SLAIN1: variants seen among roughly 807,000 people sequenced by gnomAD.
SLAIN1 encodes SLAIN family member 1, also known as SLAIN motif-containing protein 1.
Under a neutral mutation model 55.4 loss-of-function variants are expected in SLAIN1, and 17 were observed. The ratio of observed to expected loss-of-function variants is 0.31; its 90% confidence interval spans 0.21 to 0.46. The LOEUF (loss-of-function observed/expected upper bound fraction) is 0.46. Ranked by LOEUF, SLAIN1 falls within the 20% of genes least tolerant of loss-of-function variation. SLAIN1 has a pLI of 1.00. For synonymous variants in SLAIN1, 348 were observed against 337.4 expected (o/e 1.03, Z -0.35); for missense variants, 682 against 785.1 (o/e 0.87, Z 1.57).
At chr13:77,738,196 C>CCACACA (rs1184701501) in intron 2 of SLAIN1, among the ~76,000 whole-genome samples, 3 of 147,090 alleles carry the variant, frequency 2.0e-5, no homozygotes, top group Non-Finnish European at 4.5e-5. Flanking sequence ...ACACACACAC[C>CCACACA]CACACACACA....
At chr13:77,705,873 C>T (rs960580890) in intron 1 of SLAIN1, among the ~76,000 whole-genome samples, 3 of 151,962 alleles carry the variant, frequency 2.0e-5, no homozygotes, top group African/African-American at 7.3e-5. Context: ...TTAAATCCAG[C>T]TCTAGGCCAA....
intron 1 of SLAIN1, among the ~76,000 whole-genome samples, chr13:77,708,503 C>T (rs553222233): frequency 9.9e-4 from 151 of 152,278 alleles, no homozygotes; most frequent in Non-Finnish European, 1.7e-3. Flanking sequence ...ACACCTCATA[C>T]GGGAGAGCTC....
intron 1 of SLAIN1, among the ~76,000 whole-genome samples, chr13:77,718,216 T>C (rs1358984704): frequency 6.6e-6 from 1 of 152,144 alleles, no homozygotes; most frequent in African/African-American, 2.4e-5. Context: ...GTTGCATGTT[T>C]TGTATGGTGG....
At chr13:77,702,265 T>C (rs906934053) in intron 1 of SLAIN1, among the ~76,000 whole-genome samples, 1 of 152,080 alleles carries the variant, frequency 6.6e-6, no homozygotes, top group Non-Finnish European at 1.5e-5. Flanking sequence ...CCTGCTATAC[T>C]GATTCCTCAG....
chr13:77,760,087 G>T (rs1262205036), intron 5 of SLAIN1, among the ~76,000 whole-genome samples: 1 of 152,116 alleles, frequency 6.6e-6, no homozygotes, highest in African/African-American at 2.4e-5. Context: ...AGGCATCAAA[G>T]GCTTGGGTAG....
At position 77,753,248 on chromosome 13, in the gene SLAIN1, C is replaced by T; in HGVS notation, c.1304C>T (p.Thr435Ile). Residue 435 changes from threonine (T) to isoleucine (I), a missense_variant, in exon 5 of 7, where the codon ACA (threonine) becomes ATA (isoleucine). Transcript: ENST00000418532. ...SMPNLARMPS[T>I]TAISSNISSP... ...CCTAACCTAGCCCGGATGCCAAGTA[C>T]AACTGCCATTAGTAGCAACATTAGT... 6.2e-7 allele frequency: 1 copy of T among 1,612,906 alleles called. No individual in the cohort carries two copies. The highest frequency in any genetic ancestry group is 8.5e-7 in the Non-Finnish European group (1 of 1,179,522).
Position 77,761,095 on chromosome 13 carries a change from C to A in SLAIN1, c.1682C>A (p.Ala561Glu), listed in dbSNP as rs760209910. 6.2e-7 allele frequency: 1 copy of A among 1,613,992 alleles called. No homozygotes were observed. Among genetic ancestry groups the A allele is most frequent in the Non-Finnish European group, 8.5e-7 (1 of 1,179,990 alleles). ...AGTAACCTGCCTCGAAGCAAAATTG[C>A]ACAACCTGTTAGAAGGTAAGAATGT... The part of the protein sequence containing the change: ...NGSNLPRSKI[A>E]QPVRSFLQPP... Residue 561 changes from alanine to glutamate, a missense_variant, in exon 6 of 7, where the codon GCA (alanine) becomes GAA (glutamate). Ala to Glu is a moderately radical substitution (Grantham distance 107). This residue lies in a region of SLAIN1 where 244 missense variants were observed against 295.2 expected (regional missense o/e 0.83). Transcript: ENST00000418532.
intron 1 of SLAIN1, among the ~76,000 whole-genome samples, chr13:77,708,372 A>G (rs1384226091): frequency 1.3e-5 from 2 of 152,194 alleles, no homozygotes; most frequent in East Asian, 1.9e-4. Flanking sequence ...CCCATTGGAT[A>G]CTGGAGGTAA....
At chr13:77,762,115 C>T (rs567293838) in intron 6 of SLAIN1, among the ~76,000 whole-genome samples, 1 of 152,318 alleles carries the variant, frequency 6.6e-6, no homozygotes, top group African/African-American at 2.4e-5. Context: ...AAAGTAAAGA[C>T]TGACCCATAA....
chr13:77,729,797 A>T (rs145007932), intron 2 of SLAIN1, among the ~76,000 whole-genome samples: 2 of 152,268 alleles, frequency 1.3e-5, no homozygotes, highest in Admixed American at 6.5e-5. Flanking sequence ...AAGCATAATG[A>T]TGCGAATGGC....
rs2090998497 is a variant in SLAIN1, at chr13:77,698,618, A to C, written c.626+79A>C. On this transcript the variant is annotated intron_variant, in intron 1 of 6. Transcript: ENST00000418532. This position sits in a 1 kb window ranked among gnomAD's most constrained non-coding sequence, Gnocchi z 4.1. ...ACCGGGGAGCGGGGGCGGGGGGCGG[A>C]CGGGGGTCCCCTCGCGGCAGCCGGG... 7.6e-7 allele frequency: 1 copy of C among 1,323,962 alleles called. No individual in the cohort carries two copies. Among genetic ancestry groups the C allele is most frequent in the African/African-American group, 1.5e-5 (1 of 65,322 alleles). The allele number at this position is 1,323,962 out of a possible 1,614,324, so 82.0% of individuals were successfully genotyped here.
intron 1 of SLAIN1, chr13:77,699,191 T>C (rs535759979): frequency 8.0e-5 from 58 of 721,162 alleles, no homozygotes; most frequent in Non-Finnish European, 1.2e-4. Flanking sequence ...ATAGTGCCAA[T>C]AAAGAGGACT....
At chr13:77,735,923 C>A (rs1363135836) in intron 2 of SLAIN1, among the ~76,000 whole-genome samples, 1 of 150,614 alleles carries the variant, frequency 6.6e-6, no homozygotes, top group Non-Finnish European at 1.5e-5. Flanking sequence ...TTTTTTTTTT[C>A]CTCTTAATTA....
chr13:77,741,937 G>A (rs1474226594), intron 2 of SLAIN1, among the ~76,000 whole-genome samples: 1 of 151,896 alleles, frequency 6.6e-6, no homozygotes, highest in East Asian at 1.9e-4. Flanking sequence ...GTTTAGCCTT[G>A]TTTATATTTT....
rs2090998230 is a variant in SLAIN1 at position 77,698,605 on chromosome 13, G to A, written c.626+66G>A. On this transcript the variant is annotated intron_variant, in intron 1 of 6. Coordinates refer to ENST00000418532, the MANE Select transcript of SLAIN1 (RefSeq NM_001242868.2). This position sits in a 1 kb window ranked among gnomAD's most constrained non-coding sequence, Gnocchi z 4.1. ...GGGGGCTTCGGGCACCGGGGAGCGG[G>A]GGCGGGGGGCGGACGGGGGTCCCCT... 8 of 1,337,112 alleles carry A rather than the reference G, an allele frequency of 6.0e-6. No individual in the cohort carries two copies. Among genetic ancestry groups the A allele is most frequent in the Non-Finnish European group, 6.7e-6 (7 of 1,048,630 alleles). 82.8% of individuals were successfully genotyped at this position (1,337,112 alleles called of 1,614,324 possible).
intron 2 of SLAIN1, among the ~76,000 whole-genome samples, chr13:77,729,779 C>T (rs1224447430): frequency 6.6e-6 from 1 of 152,084 alleles, no homozygotes; most frequent in African/African-American, 2.4e-5. Flanking sequence ...CTTCCTGTCC[C>T]ATAAAAGAAG....
At chr13:77,699,076 A>G in intron 1 of SLAIN1, 1 of 1,527,818 alleles carries the variant, frequency 6.5e-7, no homozygotes, top group Non-Finnish European at 8.8e-7. Flanking sequence ...TTGCTGTTTG[A>G]ATTTTGCAGT....
intron 5 of SLAIN1, among the ~76,000 whole-genome samples, chr13:77,759,002 T>G (rs1442554859): frequency 6.6e-6 from 1 of 152,208 alleles, no homozygotes. Flanking sequence ...AGAATTGCAT[T>G]GAATCTGTAG....
chr13:77,715,146 A>G (rs964794468), intron 1 of SLAIN1, among the ~76,000 whole-genome samples: 1 of 152,126 alleles, frequency 6.6e-6, no homozygotes, highest in Non-Finnish European at 1.5e-5. Flanking sequence ...GATTACAGGC[A>G]GTTTGCATTT....
Sources: allele counts gnomAD v4.1 joint callset (sites outside exome capture counted in the v4.1 genomes callset), GRCh38; gene constraint gnomAD v4.1.1; regional missense constraint gnomAD v4.1.1; non-coding constraint Gnocchi (gnomAD v3.1); transcripts MANE v1.5; gene names NCBI Gene and HGNC (gene_info 2026-07-23, HGNC 2026-07-21).